Variants in EYA4 observed in about 807,000 individuals in gnomAD.
EYA4 encodes protein phosphatase EYA4.
EYA4 carries 31 observed loss-of-function variants against 87.9 expected under a neutral mutation model. That is an observed-to-expected ratio of 0.35 (90% CI 0.27 to 0.48). The LOEUF (loss-of-function observed/expected upper bound fraction) is 0.48, where lower values mean the gene tolerates loss of function less well. Ranked by LOEUF, EYA4 falls within the 20% of genes least tolerant of loss-of-function variation. EYA4 has a pLI of 0.99. For missense variants in EYA4, 678 were observed against 761.4 expected, an observed-to-expected ratio of 0.89 and a Z score of 1.29; for synonymous variants, 263 against 270.6, an observed-to-expected ratio of 0.97 and a Z score of 0.28.
At chr6:133,354,191 G>C (rs544750394) in intron 2 of EYA4, among the ~76,000 whole-genome samples, 2 of 152,266 alleles carry the variant, frequency 1.3e-5, no homozygotes, top group Admixed American at 1.3e-4. Context: ...ATATGCTCTA[G>C]AAATCCTTAT....
intron 2 of EYA4, among the ~76,000 whole-genome samples, chr6:133,310,916 A>G (rs901265811): frequency 6.6e-6 from 1 of 152,170 alleles, no homozygotes; most frequent in African/African-American, 2.4e-5. Flanking sequence ...AAGGACTTAT[A>G]TTATTCTTGT....
intron 2 of EYA4, among the ~76,000 whole-genome samples, chr6:133,354,216 A>G (rs996766035): frequency 2.6e-5 from 4 of 152,160 alleles, no homozygotes; most frequent in African/African-American, 9.7e-5. Context: ...AGCTTCTGTG[A>G]CAAAATGTCA....
intron 2 of EYA4, among the ~76,000 whole-genome samples, chr6:133,307,192 T>C (rs1779876365): frequency 6.6e-6 from 1 of 152,202 alleles, no homozygotes; most frequent in Non-Finnish European, 1.5e-5. Context: ...TCTTCCACGG[T>C]TTGAAAGAAT....
intron 2 of EYA4, among the ~76,000 whole-genome samples, chr6:133,379,612 A>G (rs1212616075): frequency 6.6e-6 from 1 of 152,122 alleles, no homozygotes; most frequent in African/African-American, 2.4e-5. Context: ...TATTCTGTCA[A>G]TTCTATCTCA....
intron 3 of EYA4, among the ~76,000 whole-genome samples, chr6:133,444,637 C>G (rs1459505432): frequency 1.3e-5 from 2 of 152,092 alleles, no homozygotes; most frequent in East Asian, 1.9e-4. Flanking sequence ...GTCATTTTAC[C>G]CCTCCATTGA....
At chr6:133,516,141 A>G (rs1799577058) in intron 17 of EYA4, among the ~76,000 whole-genome samples, 1 of 152,138 alleles carries the variant, frequency 6.6e-6, no homozygotes, top group Admixed American at 6.6e-5. Flanking sequence ...TATCTGAGTT[A>G]GGTGAATAAA....
At chr6:133,284,013 C>T (rs754156721) in intron 2 of EYA4, among the ~76,000 whole-genome samples, 9 of 152,150 alleles carry the variant, frequency 5.9e-5, no homozygotes, top group Admixed American at 1.3e-4. Context: ...GCTAAAGACA[C>T]GATTTCATGT....
intron 13 of EYA4, among the ~76,000 whole-genome samples, chr6:133,494,997 G>A (rs756482593): frequency 6.6e-6 from 1 of 152,076 alleles, no homozygotes; most frequent in African/African-American, 2.4e-5. Context: ...CGCCAGGTGC[G>A]GTGGCTCACG....
At position 133,299,569 on chromosome 6, in the gene EYA4, A is replaced by G. The variant is rs969397892; in HGVS notation, c.33+24756A>G. On this transcript the variant is annotated intron_variant, in intron 2 of 19. Transcript: ENST00000355286. ...TACTAAAAATACACAAAAATTAGCC[A>G]GGTGTAGTGGCGGGCGCCTGTGGTC... is the stretch of plus-strand genomic sequence containing the variant. Among the ~76,000 whole-genome samples the G allele has an allele frequency of 3.2e-3, 481 of 151,852 alleles. 2 individuals carry two copies. The highest frequency in any genetic ancestry group is 9.4e-3 in the African/African-American group (388 of 41,386).
chr6:133,531,421 C>G lies in EYA4; in HGVS notation c.*2616C>G. The G allele has an allele frequency of 1.8e-6, 1 of 554,950 alleles. No homozygotes were observed. Among genetic ancestry groups the G allele is most frequent in the Non-Finnish European group, 3.2e-6 (1 of 312,658 alleles). 34.4% of individuals were successfully genotyped at this position (554,950 alleles called of 1,614,324 possible). A position where few individuals can be genotyped will look rare whatever the true frequency, so the allele number is the denominator to read the frequency against. On this transcript the variant is annotated 3_prime_UTR_variant, in exon 20 of 20. Transcript: ENST00000355286. ...AAACTGAACAAACACAAAACCAACC[C>G]CTTGGCAGTTCCCACCTCCTATTGA... is the stretch of plus-strand genomic sequence containing the variant.
intron 2 of EYA4, among the ~76,000 whole-genome samples, chr6:133,327,991 T>G (rs888800277): frequency 9.8e-5 from 15 of 152,300 alleles, no homozygotes; most frequent in Middle Eastern, 3.4e-3. Flanking sequence ...TCAGGATTAT[T>G]TACATAACCA....
At chr6:133,395,554 G>A (rs1406060863) in intron 3 of EYA4, among the ~76,000 whole-genome samples, 1 of 152,172 alleles carries the variant, frequency 6.6e-6, no homozygotes, top group Non-Finnish European at 1.5e-5. Context: ...GAATTCAGGA[G>A]TTTGAGACCA....
chr6:133,376,049 A>T (rs1188551522), intron 2 of EYA4, among the ~76,000 whole-genome samples: 1 of 151,920 alleles, frequency 6.6e-6, no homozygotes, highest in Non-Finnish European at 1.5e-5. Context: ...TAGAGTATTC[A>T]CATTAGAAAT....
At chr6:133,243,922 A>G (rs1029666818) in intron 1 of EYA4, among the ~76,000 whole-genome samples, 9 of 152,224 alleles carry the variant, frequency 5.9e-5, no homozygotes, top group Non-Finnish European at 1.0e-4. Context: ...TCGAAAGCAG[A>G]CATAACTACA....
At chr6:133,284,259 T>A (rs1181649425) in intron 2 of EYA4, among the ~76,000 whole-genome samples, 3 of 152,228 alleles carry the variant, frequency 2.0e-5, no homozygotes, top group Admixed American at 6.5e-5. Context: ...AACCTCTGCC[T>A]CCTGAGTTAA....
intron 1 of EYA4, among the ~76,000 whole-genome samples, chr6:133,270,644 C>A (rs1021612919): frequency 5.9e-5 from 9 of 151,388 alleles, no homozygotes; most frequent in African/African-American, 2.2e-4. Context: ...GTTTTTTTTT[C>A]CTTGTGGAGT....
At chr6:133,468,899 A>G in intron 11 of EYA4, 168 bp downstream of exon 11, 1 of 726,042 alleles carries the variant, frequency 1.4e-6, no homozygotes, top group South Asian at 1.6e-5. Context: ...GCATTTCAGA[A>G]GATCCTTCTT....
At chr6:133,460,673 AG>A (rs1256859612) in intron 6 of EYA4, among the ~76,000 whole-genome samples, 1 of 152,122 alleles carries the variant, frequency 6.6e-6, no homozygotes, top group Non-Finnish European at 1.5e-5. Context: ...GGAACATCAC[AG>A]TCTTATTTTG....
intron 2 of EYA4, among the ~76,000 whole-genome samples, chr6:133,308,073 C>A (rs1779946679): frequency 6.6e-6 from 1 of 152,136 alleles, no homozygotes; most frequent in Non-Finnish European, 1.5e-5. Flanking sequence ...TTTGCTCCTC[C>A]TTTGCCTTCC....
Sources: allele counts gnomAD v4.1 joint callset (sites outside exome capture counted in the v4.1 genomes callset), GRCh38; gene constraint gnomAD v4.1.1; transcripts MANE v1.5; gene names NCBI Gene and HGNC (gene_info 2026-07-23, HGNC 2026-07-21).